MTUS1: variants seen among roughly 807,000 people sequenced by gnomAD.
MTUS1 encodes the protein microtubule-associated tumor suppressor 1.
Under a neutral mutation model 120.8 loss-of-function variants are expected in MTUS1, and 109 were observed. That is an observed-to-expected ratio of 0.90 (90% CI 0.77 to 1.06). MTUS1 has a LOEUF of 1.06. Ranked by LOEUF, MTUS1 falls within the 50% of genes least tolerant of loss-of-function variation. The probability of loss-of-function intolerance (pLI) is 0.00; values close to 1 mark genes in which losing one functional copy is unlikely to be tolerated. For missense variants in MTUS1, 2,210 were observed against 1,486.3 expected, an observed-to-expected ratio of 1.49 and a Z score of -8.01; for synonymous variants, 737 against 550.5, an observed-to-expected ratio of 1.34 and a Z score of -4.74.
chr8:17,679,200 A>G (rs56393309), intron 7 of MTUS1, among the ~76,000 whole-genome samples: 5,285 of 64,440 alleles, frequency 0.082, 324 homozygotes, highest in African/African-American at 0.17. Flanking sequence ...AAATATATAT[A>G]CACACACACA....
intron 1 of MTUS1, among the ~76,000 whole-genome samples, chr8:17,783,517 T>A (rs1028911698): frequency 6.6e-6 from 1 of 151,654 alleles, no homozygotes; most frequent in African/African-American, 2.4e-5. Context: ...GAGGAGATGA[T>A]GTAATTTTTT....
intron 4 of MTUS1, among the ~76,000 whole-genome samples, chr8:17,719,390 A>C (rs1302555001): frequency 6.6e-6 from 1 of 152,220 alleles, no homozygotes; most frequent in Admixed American, 6.5e-5. Flanking sequence ...GTACTACTGA[A>C]ATCTAAACTT....
intron 8 of MTUS1, among the ~76,000 whole-genome samples, chr8:17,656,548 C>CA (rs910025228): frequency 1.8e-5 from 2 of 112,236 alleles, no homozygotes; most frequent in Non-Finnish European, 3.8e-5. Flanking sequence ...AAACAAAACC[C>CA]CCCCCCACCC....
rs370363143 is a variant in MTUS1, at chr8:17,646,005, G to T, written c.3734C>A (p.Ser1245Tyr). Residue 1245 changes from serine to tyrosine, a missense_variant, in exon 15 of 15, where the codon TCC becomes TAC. Transcript: ENST00000693296. ...HNGDLCSPKR[S>Y]PTSSAIPLQS... ...CAAAGGGATGGCGGAGGATGTGGGG[G>T]ATCTCTTGGGGCTACACAGGTCCCC... 7 of 1,613,542 alleles carry T rather than the reference G, an allele frequency of 4.3e-6. No individual in the cohort carries two copies. Among genetic ancestry groups the T allele is most frequent in the Non-Finnish European group, 5.9e-6 (7 of 1,179,958 alleles).
chr8:17,767,188 TAAAAAAAA>T (rs34726378), intron 1 of MTUS1, among the ~76,000 whole-genome samples: 28 of 105,300 alleles, frequency 2.7e-4, no homozygotes, highest in African/African-American at 5.7e-4. Flanking sequence ...ATCCTCAGGG[TAAAAAAAA>T]AAAAAAAAAA....
At chr8:17,747,947 A>G (rs1443760989) in intron 2 of MTUS1, among the ~76,000 whole-genome samples, 1 of 152,160 alleles carries the variant, frequency 6.6e-6, no homozygotes, top group African/African-American at 2.4e-5. Flanking sequence ...AATAACCATC[A>G]GATCTTGTGA....
chr8:17,675,620 G>A (rs1812944356), intron 7 of MTUS1, among the ~76,000 whole-genome samples: 1 of 152,102 alleles, frequency 6.6e-6, no homozygotes. Context: ...CATCTAATCA[G>A]TTTAAGATAA....
In MTUS1 at chr8:17,655,999, G is replaced by A. The variant is rs534021753; in HGVS notation, c.2972C>T (p.Ala991Val). The A allele has an allele frequency of 2.4e-5, 38 of 1,614,210 alleles. No homozygotes were observed. The Admixed American group carries it at 3.2e-4, about 13-fold the overall frequency. Residue 991 changes from alanine to valine, a missense_variant, in exon 9 of 15, where the codon GCA (alanine) becomes GTA (valine). Coordinates refer to ENST00000693296, the MANE Select transcript of MTUS1 (RefSeq NM_001363059.2). ...ARNELQTVYE[A>V]FVQQHQAEKT... is the part of the protein sequence containing the mutation. ...TTCAGCCTGGTGCTGCTGGACGAAT[G>A]CTTCATACACTGTTTGTAACTCATT...
intron 1 of MTUS1, among the ~76,000 whole-genome samples, chr8:17,771,276 T>G (rs2050004561): frequency 6.6e-6 from 1 of 152,160 alleles, no homozygotes; most frequent in Non-Finnish European, 1.5e-5. Context: ...AGGTCAATGA[T>G]GAGGAAGGGG....
chr8:17,655,696 C>A (rs1808056385), intron 9 of MTUS1, among the ~76,000 whole-genome samples, 167 bp downstream of exon 9: 1 of 152,132 alleles, frequency 6.6e-6, no homozygotes, highest in African/African-American at 2.4e-5. Flanking sequence ...TGTACTCCAG[C>A]CTCCAGCCTG....
At chr8:17,721,373 T>C (rs2045830112) in intron 4 of MTUS1, among the ~76,000 whole-genome samples, 1 of 152,220 alleles carries the variant, frequency 6.6e-6, no homozygotes, top group Non-Finnish European at 1.5e-5. Context: ...AGTATTTTTC[T>C]ACACTTGCAC....
In MTUS1 at chr8:17,650,211, A is replaced by T. The variant is rs1056432713; in HGVS notation, c.3385-249T>A. Among the ~76,000 whole-genome samples, 5 of 152,344 alleles carry T rather than the reference A, an allele frequency of 3.3e-5. No individual in the cohort carries two copies. In the South Asian group the frequency reaches 1.0e-3, roughly 32 times the overall value. ...TGCAAAAATGTGAGTTGCATCAAAC[A>T]TGTTATTGTATCAAGAGAAAAACTT... On this transcript the variant is annotated intron_variant, in intron 12 of 14. Coordinates refer to ENST00000693296, the MANE Select transcript of MTUS1 (RefSeq NM_001363059.2).
chr8:17,762,968 G>C (rs917094813), intron 1 of MTUS1, among the ~76,000 whole-genome samples: 1 of 150,858 alleles, frequency 6.6e-6, no homozygotes, highest in East Asian at 2.0e-4. Flanking sequence ...GTGGCTGTCA[G>C]GGCTGACTGC....
chr8:17,742,403 C>T (rs538113293), intron 3 of MTUS1, among the ~76,000 whole-genome samples: 9 of 151,456 alleles, frequency 5.9e-5, no homozygotes, highest in Non-Finnish European at 1.2e-4. Context: ...GCATAAACCA[C>T]CACACCCAGC....
At chr8:17,685,192 C>T (rs539644870) in intron 6 of MTUS1, among the ~76,000 whole-genome samples, 3 of 151,810 alleles carry the variant, frequency 2.0e-5, no homozygotes, top group Non-Finnish European at 4.4e-5. Flanking sequence ...GTCTTTTTTC[C>T]CAAGTAGTAA....
chr8:17,676,369 T>A (rs548481163), intron 7 of MTUS1: 3 of 702,540 alleles, frequency 4.3e-6, no homozygotes, highest in South Asian at 3.0e-5. Context: ...CCCCTCGCAC[T>A]GTGCAAGAAG....
At chr8:17,674,801 A>T in intron 8 of MTUS1, 1 of 1,030,004 alleles carries the variant, frequency 9.7e-7, no homozygotes, top group South Asian at 4.2e-5. Flanking sequence ...CCTTGGAAGT[A>T]CAACGGATTT....
chr8:17,754,805 G>C lies in MTUS1; in HGVS notation c.1003C>G (p.Gln335Glu). The change falls in exon 2 of 15, where the codon CAA (glutamine) becomes GAA (glutamate). Residue 335 changes from glutamine (Q) to glutamate (E), a missense_variant. Transcript: ENST00000693296. ...QSSYRHKEMG[Q>E]NLRETVSYCL... ...TAGGACACTGTCTCTCTCAGATTTT[G>C]GCCCATTTCCTTGTGCCTGTATGAG... 1 of 1,614,180 alleles carries C rather than the reference G, an allele frequency of 6.2e-7. No individual in the cohort carries two copies. The highest frequency in any genetic ancestry group is 8.5e-7 in the Non-Finnish European group (1 of 1,180,036).
At chr8:17,676,013 C>T (rs1280336915) in intron 7 of MTUS1, 2 of 510,092 alleles carry the variant, frequency 3.9e-6, no homozygotes, top group Non-Finnish European at 7.0e-6. Context: ...ACATACAGTT[C>T]CTTAAAAGGT....
Sources: gnomAD v4.1 joint callset for allele counts (sites outside exome capture counted in the v4.1 genomes callset) on GRCh38, gnomAD v4.1.1 for gene constraint, MANE v1.5 for transcripts, NCBI Gene and HGNC (gene_info 2026-07-23, HGNC 2026-07-21) for gene names.